Variants in TNRC6B observed in about 807,000 individuals in gnomAD.
TNRC6B encodes trinucleotide repeat-containing gene 6B protein.
Under a neutral mutation model 203.6 loss-of-function variants are expected in TNRC6B, and 52 were observed. The observed-to-expected ratio is 0.26, with a 90% CI of 0.20 to 0.32. TNRC6B has a LOEUF of 0.32. TNRC6B is among the 10% of genes least tolerant of loss of function. TNRC6B has a pLI of 1.00. For missense variants in TNRC6B, 1,923 were observed against 2,286.2 expected (o/e 0.84, Z 3.24); for synonymous variants, 838 against 845.7 (o/e 0.99, Z 0.16).
At chr22:40,163,395 C>T (rs35747270) in intron 4 of TNRC6B, among the ~76,000 whole-genome samples, 1 of 89,734 alleles carries the variant, frequency 1.1e-5, no homozygotes, top group Non-Finnish European at 2.2e-5. Flanking sequence ...AAGACCCTGT[C>T]TCAAAAAAAA....
In TNRC6B at chr22:40,122,401, C is replaced by G. The variant is rs147100675; in HGVS notation, c.-46-3371C>G. Reference sequence around the variant, plus strand: ...TGTATTGGAGAATGTGACACATCTACAGGCCAGTGAACTTAACACTGAACT... The same window carrying G: ...TGTATTGGAGAATGTGACACATCTAGAGGCCAGTGAACTTAACACTGAACT... On this transcript the variant is annotated intron_variant, in intron 2 of 23. Transcript: ENST00000301923. Among the ~76,000 whole-genome samples the G allele has an allele frequency of 1.6e-3, 241 of 152,208 alleles. 1 individual carries two copies. The highest frequency in any genetic ancestry group is 5.5e-3 in the African/African-American group (230 of 41,518).
At chr22:40,197,088 A>G (rs1370541902) in intron 1 of TNRC6B, among the ~76,000 whole-genome samples, 1 of 152,098 alleles carries the variant, frequency 6.6e-6, no homozygotes, top group Non-Finnish European at 1.5e-5. Context: ...TGATTTGCTA[A>G]TTGATTGGTT....
intron 6 of TNRC6B, 33 bp downstream of exon 6, chr22:40,270,313 CTTTTTTTT>C: frequency 8.2e-7 from 1 of 1,218,296 alleles, no homozygotes; most frequent in Non-Finnish European, 1.0e-6. Flanking sequence ...TTGAGGGATC[CTTTTTTTT>C]TTTTTTTTTT....
chr22:40,094,837 C>T (rs941942612), intron 1 of TNRC6B, among the ~76,000 whole-genome samples: 2 of 152,120 alleles, frequency 1.3e-5, no homozygotes, highest in African/African-American at 4.8e-5. Flanking sequence ...TTCAGTTTTT[C>T]TTTTCCACTT....
chr22:40,224,223 T>C (rs2069753158), intron 1 of TNRC6B, among the ~76,000 whole-genome samples: 1 of 152,190 alleles, frequency 6.6e-6, no homozygotes, highest in Non-Finnish European at 1.5e-5. Flanking sequence ...CAGGCTGGTC[T>C]CGAACTCCTG....
chr22:40,306,633 A>G (rs547352078), intron 15 of TNRC6B, among the ~76,000 whole-genome samples: 1 of 152,276 alleles, frequency 6.6e-6, no homozygotes, highest in South Asian at 2.1e-4. Context: ...ATCTAATTTC[A>G]TTTCTGCTAC....
chr22:40,150,475 G>A (rs887322877), intron 3 of TNRC6B, among the ~76,000 whole-genome samples: 29 of 152,140 alleles, frequency 1.9e-4, no homozygotes, highest in Non-Finnish European at 2.6e-4. Context: ...AGAGATGCCC[G>A]ACAAAGTTTT....
At chr22:40,184,706 T>C (rs1276130799) in intron 1 of TNRC6B, among the ~76,000 whole-genome samples, 1 of 152,038 alleles carries the variant, frequency 6.6e-6, no homozygotes, top group Non-Finnish European at 1.5e-5. Context: ...AATGAATGAG[T>C]TCCAGAGGCA....
chr22:40,267,726 C>T (rs372455171), intron 5 of TNRC6B, among the ~76,000 whole-genome samples: 8 of 152,044 alleles, frequency 5.3e-5, no homozygotes, highest in East Asian at 3.9e-4. Flanking sequence ...AAAAATCAGA[C>T]GGGTGTGGTG....
chr22:40,139,487 A>C (rs1024096291), intron 3 of TNRC6B, among the ~76,000 whole-genome samples: 4 of 152,024 alleles, frequency 2.6e-5, no homozygotes, highest in African/African-American at 9.7e-5. Context: ...GCATGCTGCC[A>C]TGCCCAGCTA....
intron 4 of TNRC6B, among the ~76,000 whole-genome samples, chr22:40,156,724 A>G (rs1279648526): frequency 6.7e-6 from 1 of 150,318 alleles, no homozygotes; most frequent in Non-Finnish European, 1.5e-5. Flanking sequence ...TCTCTCCCCT[A>G]ACTCCTTAAG....
intron 1 of TNRC6B, among the ~76,000 whole-genome samples, chr22:40,201,997 C>T (rs376338613): frequency 7.2e-5 from 11 of 152,178 alleles, no homozygotes; most frequent in Admixed American, 3.9e-4. Context: ...AATAGTTAGG[C>T]GAGCTTTGCT....
intron 16 of TNRC6B, 44 bp from the exon 17 acceptor site, chr22:40,310,773 C>A (rs377637134): frequency 6.4e-7 from 1 of 1,560,610 alleles, no homozygotes; most frequent in Admixed American, 1.9e-5. Flanking sequence ...AAGTTCTATT[C>A]ATAGGAGTTA....
At chr22:40,193,150 G>A (rs2069294822) in intron 1 of TNRC6B, among the ~76,000 whole-genome samples, 1 of 152,158 alleles carries the variant, frequency 6.6e-6, no homozygotes, top group Non-Finnish European at 1.5e-5. Context: ...CCCAGCAGCC[G>A]AGCGCATTGT....
At chr22:40,147,767 C>A (rs919513711) in intron 3 of TNRC6B, among the ~76,000 whole-genome samples, 1 of 152,132 alleles carries the variant, frequency 6.6e-6, no homozygotes, top group African/African-American at 2.4e-5. Context: ...AAGACAGACA[C>A]AAAACACCAC....
intron 3 of TNRC6B, among the ~76,000 whole-genome samples, chr22:40,141,998 G>A (rs1382418323): frequency 6.6e-6 from 1 of 151,680 alleles, no homozygotes; most frequent in East Asian, 1.9e-4. Flanking sequence ...CTGACCTCAT[G>A]ATCCACCCAC....
chr22:40,114,790 A>T (rs1421344633), intron 1 of TNRC6B, among the ~76,000 whole-genome samples: 5 of 152,194 alleles, frequency 3.3e-5, no homozygotes, highest in African/African-American at 4.8e-5. Flanking sequence ...TTACTGCTGC[A>T]GCTGTACCTG....
chr22:40,071,708 TC>T (rs2067949691), intron 1 of TNRC6B, among the ~76,000 whole-genome samples: 1 of 152,222 alleles, frequency 6.6e-6, no homozygotes, highest in Non-Finnish European at 1.5e-5. Context: ...TTTGGGGAAT[TC>T]TGATTAGGCA....
At chr22:40,132,900 C>T (rs12484469) in intron 3 of TNRC6B, among the ~76,000 whole-genome samples, 27,529 of 130,542 alleles carry the variant, frequency 0.21, 3,173 homozygotes, top group Admixed American at 0.31. Flanking sequence ...GCCAAGATCG[C>T]GCCACTGCAC....
Sources: gnomAD v4.1 joint callset for allele counts (sites outside exome capture counted in the v4.1 genomes callset) on GRCh38, gnomAD v4.1.1 for gene constraint, MANE v1.5 for transcripts, NCBI Gene and HGNC (gene_info 2026-07-23, HGNC 2026-07-21) for gene names.